NIBAN1: variants seen among roughly 807,000 people sequenced by gnomAD.
NIBAN1 encodes protein Niban 1.
A neutral mutation model predicts 75.1 loss-of-function variants in NIBAN1; 81 were observed. The ratio of observed to expected loss-of-function variants is 1.08; its 90% CI spans 0.90 to 1.30. NIBAN1 has a LOEUF of 1.30. Ranked by LOEUF, NIBAN1 falls within the 50% of genes most tolerant of loss-of-function variation. The probability of loss-of-function intolerance (pLI) is 0.00; values close to 1 mark genes in which losing one functional copy is unlikely to be tolerated. For missense variants in NIBAN1, 1,133 were observed against 1,128.1 expected (o/e 1.00, Z -0.06); for synonymous variants, 436 against 424.8 (o/e 1.03, Z -0.32).
At chr1:184,871,870 C>T (rs1656117739) in intron 5 of NIBAN1, among the ~76,000 whole-genome samples, 1 of 152,130 alleles carries the variant, frequency 6.6e-6, no homozygotes, top group African/African-American at 2.4e-5. Flanking sequence ...CTTGAGAAAT[C>T]ATAATCAGAA....
At chr1:184,875,721 T>C (rs1159165386) in intron 5 of NIBAN1, among the ~76,000 whole-genome samples, 1 of 152,188 alleles carries the variant, frequency 6.6e-6, no homozygotes, top group Non-Finnish European at 1.5e-5. Context: ...TTTAAAATCA[T>C]CACAATGAGC....
chr1:184,882,815 C>T (rs1392477375), intron 5 of NIBAN1, among the ~76,000 whole-genome samples: 1 of 152,126 alleles, frequency 6.6e-6, no homozygotes, highest in Non-Finnish European at 1.5e-5. Context: ...AGACCGAGGC[C>T]CTAAACACAG....
rs1315152988 is a variant in NIBAN1, at chr1:184,805,916, T to C, written c.1446+30A>G. On this transcript the variant is annotated intron_variant, in intron 11 of 13. Transcript: ENST00000367511. ...AAACAGGGGTCACGTTCTCTTTTTA[T>C]GCTTCCCACAAACAAGAGAACGGTT... The C allele has an allele frequency of 2.6e-6, 4 of 1,554,300 alleles. No individual in the cohort carries two copies. In the Admixed American group the frequency reaches 6.7e-5, roughly 26 times the overall value.
intron 3 of NIBAN1, among the ~76,000 whole-genome samples, chr1:184,890,999 A>G (rs1453240917): frequency 1.3e-5 from 2 of 152,250 alleles, no homozygotes; most frequent in African/African-American, 4.8e-5. Flanking sequence ...AGGCAAGTTG[A>G]GAATTGAAAC....
At chr1:184,809,117 T>C (rs1343148231) in intron 9 of NIBAN1, among the ~76,000 whole-genome samples, 1 of 152,216 alleles carries the variant, frequency 6.6e-6, no homozygotes, top group Non-Finnish European at 1.5e-5. Flanking sequence ...TAAGATGCAC[T>C]GTCCGACTTT....
rs915961216 is a variant in NIBAN1, at chr1:184,941,890, G to C, written c.55+32412C>G. Among the ~76,000 whole-genome samples, 5 of 152,150 alleles carry C rather than the reference G, an allele frequency of 3.3e-5. No individual in the cohort carries two copies. In the South Asian group the frequency reaches 1.0e-3, roughly 31 times the overall value. On this transcript the variant is annotated intron_variant, in intron 1 of 13. Coordinates refer to ENST00000367511, the MANE Select transcript of NIBAN1 (RefSeq NM_052966.4). ...ATGCAGCTACAACCGGGGTTCAGTA[G>C]CAGATCAGCTGCTCAGACAGAGGAG...
At chr1:184,812,098 C>T (rs966496625) in intron 9 of NIBAN1, among the ~76,000 whole-genome samples, 1 of 152,184 alleles carries the variant, frequency 6.6e-6, no homozygotes, top group Non-Finnish European at 1.5e-5. Context: ...TTGCTCTGGC[C>T]TCCCTGAGCT....
intron 1 of NIBAN1, among the ~76,000 whole-genome samples, chr1:184,916,957 G>A (rs190667715): frequency 1.6e-3 from 244 of 152,144 alleles, no homozygotes; most frequent in African/African-American, 5.4e-3. Context: ...ACTAACACCA[G>A]TCAAGAATAT....
rs760760777 is a variant in NIBAN1 at position 184,795,202 on chromosome 1, A to G, written c.2562T>C (p.Ser854=). ...CTLGSDPICL[S]ESQVSEEQEE... ...CTTGTTCCTCAGAAACCTGGCTCTC[A>G]CTGAGGCAGATGGGGTCAGAACCTA... The change falls in exon 14 of 14, where the codon AGT becomes AGC. Residue 854 remains serine, a synonymous_variant. Transcript: ENST00000367511. 3 of 1,614,114 alleles carry G rather than the reference A, an allele frequency of 1.9e-6. No individual in the cohort carries two copies. The highest frequency in any genetic ancestry group is 2.5e-6 in the Non-Finnish European group (3 of 1,180,046).
chr1:184,958,909 C>T (rs1274873731), intron 1 of NIBAN1, among the ~76,000 whole-genome samples: 1 of 152,136 alleles, frequency 6.6e-6, no homozygotes, highest in Non-Finnish European at 1.5e-5. Flanking sequence ...TTTATTTTAA[C>T]TCTAAGCCTG....
intron 1 of NIBAN1, among the ~76,000 whole-genome samples, 167 bp from the exon 2 acceptor site, chr1:184,899,476 C>G (rs1381834887): frequency 1.3e-5 from 2 of 152,088 alleles, no homozygotes; most frequent in Non-Finnish European, 2.9e-5. Context: ...AGTAGTCTGT[C>G]TTCCCGGAGA....
intron 1 of NIBAN1, among the ~76,000 whole-genome samples, chr1:184,947,539 T>A (rs1368027815): frequency 6.6e-6 from 1 of 152,182 alleles, no homozygotes; most frequent in Non-Finnish European, 1.5e-5. Flanking sequence ...ACATGATAAA[T>A]ATGTATATTT....
chr1:184,906,283 A>ACACAT (rs899803568), intron 1 of NIBAN1, among the ~76,000 whole-genome samples: 5 of 150,740 alleles, frequency 3.3e-5, no homozygotes, highest in African/African-American at 1.2e-4. Flanking sequence ...ACACACACAC[A>ACACAT]CACATGCACA....
chr1:184,850,769 A>C (rs2102263118), intron 5 of NIBAN1, among the ~76,000 whole-genome samples: 1 of 18,978 alleles, frequency 5.3e-5, no homozygotes, highest in South Asian at 1.7e-3. Flanking sequence ...CAATGAACTC[A>C]AACAAATTTA....
intron 13 of NIBAN1, among the ~76,000 whole-genome samples, chr1:184,797,510 G>T (rs1653910179): frequency 6.6e-6 from 1 of 151,964 alleles, no homozygotes; most frequent in Non-Finnish European, 1.5e-5. Flanking sequence ...TGATTCCTGA[G>T]GATACTGGAT....
At chr1:184,852,794 G>GTC (rs1232852536) in intron 5 of NIBAN1, among the ~76,000 whole-genome samples, 1 of 151,966 alleles carries the variant, frequency 6.6e-6, no homozygotes, top group East Asian at 1.9e-4. Context: ...CCGTCTGCCT[G>GTC]TCTCTCTCTC....
rs1041177834 is a variant in NIBAN1 at position 184,794,047 on chromosome 1, C to T, written c.*930G>A. The stretch of plus-strand genomic sequence containing the variant: ...TAGTTTAAAAATTGGCATATGTTCT[C>T]TTCCAGATTAAATTCCCTTGGACCT... On this transcript the variant is annotated 3_prime_UTR_variant, in exon 14 of 14. Coordinates refer to ENST00000367511, the MANE Select transcript of NIBAN1 (RefSeq NM_052966.4). The T allele has an allele frequency of 6.6e-6, 1 of 151,870 alleles. No individual in the cohort carries two copies. Among genetic ancestry groups the T allele is most frequent in the Non-Finnish European group, 1.5e-5 (1 of 68,012 alleles). 9.4% of individuals were successfully genotyped at this position (151,870 alleles called of 1,614,324 possible).
chr1:184,804,497 G>A (rs569055842), intron 11 of NIBAN1, among the ~76,000 whole-genome samples: 1 of 152,288 alleles, frequency 6.6e-6, no homozygotes, highest in South Asian at 2.1e-4. Flanking sequence ...GAACTAAAAT[G>A]GGCTATCCTG....
chr1:184,826,673 T>C (rs886922740), intron 6 of NIBAN1, among the ~76,000 whole-genome samples: 12 of 152,160 alleles, frequency 7.9e-5, no homozygotes, highest in African/African-American at 1.4e-4. Flanking sequence ...GTGAAATGGG[T>C]TTGAAAATAT....
Sources: allele counts gnomAD v4.1 joint callset (sites outside exome capture counted in the v4.1 genomes callset), GRCh38; gene constraint gnomAD v4.1.1; transcripts MANE v1.5; gene names NCBI Gene and HGNC (gene_info 2026-07-23, HGNC 2026-07-21).